The following TRAPPC8 variants were observed in gnomAD, a reference collection of about 807,000 sequenced individuals.
The protein encoded by TRAPPC8 is general sporulation gene 1 homolog.
In TRAPPC8, 54 loss-of-function variants were observed where a neutral mutation model predicts 174.3. The ratio of observed to expected loss-of-function variants is 0.31; its 90% confidence interval spans 0.25 to 0.39. TRAPPC8 has a LOEUF of 0.39. Ranked by LOEUF, TRAPPC8 falls within the 10% of genes least tolerant of loss-of-function variation. The pLI, the probability that TRAPPC8 is intolerant of heterozygous loss-of-function variation, is 1.00. For missense variants in TRAPPC8, 1,531 were observed against 1,699.1 expected (o/e 0.90, Z 1.74); for synonymous variants, 630 against 579.9 (o/e 1.09, Z -1.24).
At chr18:31,935,021 G>A (rs2038021220) in intron 1 of TRAPPC8, among the ~76,000 whole-genome samples, 2 of 151,598 alleles carry the variant, frequency 1.3e-5, no homozygotes, top group South Asian at 2.1e-4. Context: ...CATCTTTTAT[G>A]CTTTTACCCA....
At chr18:31,920,761 T>G (rs2037349759) in intron 2 of TRAPPC8, among the ~76,000 whole-genome samples, 1 of 151,808 alleles carries the variant, frequency 6.6e-6, no homozygotes, top group South Asian at 2.1e-4. Context: ...ACCAACATGG[T>G]AGAACGCTGT....
In TRAPPC8 at chr18:31,870,405, G is replaced by C; in HGVS notation, c.2355C>G (p.Phe785Leu). The change falls in exon 16 of 29, where the codon TTC becomes TTG. Residue 785 changes from phenylalanine to leucine, a missense_variant. Phe to Leu is a conservative substitution (Grantham distance 22, BLOSUM62 0). Transcript: ENST00000283351. The part of the protein sequence containing the change: ...SLLWKFHPKD[F>L]SGKDNEEVKQ... Reference sequence around the variant, plus strand: ...TAACTTCTTCATTATCCTTTCCACTGAAATCTTTAGGATGAAACTTCCAAA... The same window carrying C: ...TAACTTCTTCATTATCCTTTCCACTCAAATCTTTAGGATGAAACTTCCAAA... 1 of 1,611,662 alleles carries C rather than the reference G, an allele frequency of 6.2e-7. No homozygotes were observed. Among genetic ancestry groups the C allele is most frequent in the Non-Finnish European group, 8.5e-7 (1 of 1,178,954 alleles).
rs1006323985 is a variant in TRAPPC8 at position 31,857,837 on chromosome 18, G to C, written c.2891C>G (p.Thr964Ser). 1 of 1,614,174 alleles carries C rather than the reference G, an allele frequency of 6.2e-7. No homozygotes were observed. The highest frequency in any genetic ancestry group is 8.5e-7 in the Non-Finnish European group (1 of 1,180,036). ...GGGACTTAGTGGTGTTAGAACAGCA[G>C]TATTACCACCGAAAGTAAAGAACTC... ...RPEFFTFGGN[T>S]AVLTPLSPSA... The change falls in exon 20 of 29, where the codon ACT (threonine) becomes AGT (serine). Residue 964 changes from threonine to serine, a missense_variant. Thr to Ser is a moderately conservative substitution (Grantham distance 58). Transcript: ENST00000283351.
Position 31,849,658 on chromosome 18 carries a change from G to C in TRAPPC8, c.3643C>G (p.Pro1215Ala). 3.1e-6 allele frequency: 5 copies of C among 1,612,792 alleles called. No individual in the cohort carries two copies. Among genetic ancestry groups the C allele is most frequent in the Non-Finnish European group, 4.2e-6 (5 of 1,179,392 alleles). The change falls in exon 25 of 29, where the codon CCT (proline) becomes GCT (alanine). Residue 1215 changes from proline to alanine, a missense_variant. Coordinates refer to ENST00000283351, the MANE Select transcript of TRAPPC8 (RefSeq NM_014939.5). ...GTTGACTGTTTTTCTGTATGCACAGGCAAGTGAGCTTGTGGTTTTTTCAAT... is the reference window on the plus strand; with the variant it reads ...GTTGACTGTTTTTCTGTATGCACAGCCAAGTGAGCTTGTGGTTTTTTCAAT... The part of the protein sequence containing the change: ...SELKKPQAHL[P>A]VHTEKQSTED...
In TRAPPC8 at chr18:31,830,547, T is replaced by C; in HGVS notation, c.*208A>G. The stretch of plus-strand genomic sequence containing the variant: ...CCTGTATTATGAGCATGTAAATTAT[T>C]CTCAGGGTTTAAAGAAATACAGAAA... On this transcript the variant is annotated 3_prime_UTR_variant, in exon 29 of 29. Transcript: ENST00000283351. 1.8e-6 allele frequency: 1 copy of C among 561,224 alleles called. No homozygotes were observed. The highest frequency in any genetic ancestry group is 3.2e-6 in the Non-Finnish European group (1 of 317,134). 34.8% of individuals were successfully genotyped at this position (561,224 alleles called of 1,614,324 possible).
In TRAPPC8 at chr18:31,846,721, T is replaced by C; in HGVS notation, c.3832A>G (p.Lys1278Glu). 2.5e-6 allele frequency: 4 copies of C among 1,608,362 alleles called. No homozygotes were observed. Among genetic ancestry groups the C allele is most frequent in the Non-Finnish European group, 3.4e-6 (4 of 1,176,338 alleles). Reference sequence around the variant, plus strand: ...AAAGCAAACTATGTTATCACCTGTTTCTGAGGATATGAAAAGGCTTCTTTT... The same window carrying C: ...AAAGCAAACTATGTTATCACCTGTTCCTGAGGATATGAAAAGGCTTCTTTT... ...IGKEAFSYPQ[K>E]QEPPEMELLK... Residue 1278 changes from lysine (K) to glutamate (E), a missense_variant, in exon 26 of 29, where the codon AAA becomes GAA. By Grantham distance (56) the Lys-to-Glu change is moderately conservative. Coordinates refer to ENST00000283351, the MANE Select transcript of TRAPPC8 (RefSeq NM_014939.5).
At chr18:31,889,588 T>C (rs1485622128) in intron 12 of TRAPPC8, among the ~76,000 whole-genome samples, 1 of 151,882 alleles carries the variant, frequency 6.6e-6, no homozygotes, top group East Asian at 1.9e-4. Flanking sequence ...CATTTACTAT[T>C]GAAGAAAAGC....
chr18:31,870,199 T>C (rs575963057), intron 16 of TRAPPC8, 173 bp downstream of exon 16: 20 of 486,176 alleles, frequency 4.1e-5, no homozygotes, highest in African/African-American at 2.6e-4. Flanking sequence ...CTATTCCTTA[T>C]GTTTTTATGT....
chr18:31,831,080 C>T (rs1368847938), intron 28 of TRAPPC8, 91 bp from the exon 29 acceptor site: 32 of 1,053,138 alleles, frequency 3.0e-5, no homozygotes, highest in Non-Finnish European at 3.7e-5. Flanking sequence ...CAGCTGGGCG[C>T]GGTGGCTCAC....
chr18:31,857,980 C>T lies in TRAPPC8; in HGVS notation c.2748G>A (p.Val916=), dbSNP rs2034119784. The T allele has an allele frequency of 1.3e-6, 2 of 1,593,856 alleles. No homozygotes were observed. Among genetic ancestry groups the T allele is most frequent in the East Asian group, 2.2e-5 (1 of 44,658 alleles). The part of the protein sequence containing the change: ...IITEEMPLLE[V]FFIHFPTGLL... The stretch of plus-strand genomic sequence containing the variant: ...GCCCTGTAGGAAAATGTATAAAGAA[C>T]ACCTGCATTGGAGGGAAAAAATATT... The change falls in exon 20 of 29, where the codon GTG becomes GTA. Residue 916 remains valine (V), a splice_region_variant and synonymous_variant. Transcript: ENST00000283351.
At chr18:31,942,488 A>T (rs1568166059) in intron 1 of TRAPPC8, 120 bp downstream of exon 1, 2 of 1,308,568 alleles carry the variant, frequency 1.5e-6, no homozygotes, top group Middle Eastern at 2.8e-4. Flanking sequence ...ACAGCCCCAG[A>T]CGCCACGGTA....
intron 14 of TRAPPC8, among the ~76,000 whole-genome samples, chr18:31,871,622 CATAAGT>C (rs759550612): frequency 1.5e-4 from 23 of 152,088 alleles, no homozygotes; most frequent in Non-Finnish European, 1.9e-4. Context: ...GATTTTACCA[CATAAGT>C]ATATCTAAAA....
chr18:31,834,013 A>C (rs563637370), intron 27 of TRAPPC8, among the ~76,000 whole-genome samples: 2 of 150,426 alleles, frequency 1.3e-5, no homozygotes, highest in East Asian at 2.0e-4. Flanking sequence ...AAAAAAAAAA[A>C]CAAAAAACAG....
At chr18:31,931,039 A>G (rs1417952999) in intron 2 of TRAPPC8, among the ~76,000 whole-genome samples, 1 of 152,148 alleles carries the variant, frequency 6.6e-6, no homozygotes, top group African/African-American at 2.4e-5. Context: ...AATACAATAA[A>G]CTTAATGCTT....
chr18:31,884,986 T>C (rs1360393902), intron 12 of TRAPPC8, among the ~76,000 whole-genome samples: 1 of 151,734 alleles, frequency 6.6e-6, no homozygotes, highest in Admixed American at 6.6e-5. Context: ...CCCGAGTAGC[T>C]GGGACTATAG....
chr18:31,931,238 A>C, intron 2 of TRAPPC8, 91 bp downstream of exon 2: 1 of 1,232,820 alleles, frequency 8.1e-7, no homozygotes, highest in African/African-American at 1.5e-5. Flanking sequence ...AAACTCTTAA[A>C]TACATGTTGA....
rs531927036 is a variant in TRAPPC8, at chr18:31,895,143, C to T, written c.1596+2643G>A. 3.4e-3 allele frequency among the ~76,000 whole-genome samples: 514 copies of T among 151,750 alleles called. 2 individuals carry two copies. The highest frequency in any genetic ancestry group is 5.6e-3 in the Non-Finnish European group (380 of 68,012). ...CCTCATTAACTATCTTTTGCTATGA[C>T]GGTATTAGCAAAAATCTAGGGAACA... On this transcript the variant is annotated intron_variant, in intron 11 of 28. Transcript: ENST00000283351.
At chr18:31,854,990 A>G (rs2033923938) in intron 21 of TRAPPC8, among the ~76,000 whole-genome samples, 1 of 143,804 alleles carries the variant, frequency 7.0e-6, no homozygotes, top group Admixed American at 6.9e-5. Context: ...AAAAAAAAGA[A>G]TATTCATTTT....
chr18:31,849,550 A>G lies in TRAPPC8; in HGVS notation c.3735+16T>C. ...TCTATAAGTGAGGCTTGCTGAAATAATTTAGTAGCACATACCTTCCATAAT... is the reference window on the plus strand; with the variant it reads ...TCTATAAGTGAGGCTTGCTGAAATAGTTTAGTAGCACATACCTTCCATAAT... On this transcript the variant is annotated intron_variant, in intron 25 of 28. Coordinates refer to ENST00000283351, the MANE Select transcript of TRAPPC8 (RefSeq NM_014939.5). The G allele has an allele frequency of 1.9e-6, 3 of 1,567,106 alleles. No individual in the cohort carries two copies. The highest frequency in any genetic ancestry group is 2.4e-5 in the South Asian group (2 of 83,544).
Sources: gnomAD v4.1 joint callset for allele counts (sites outside exome capture counted in the v4.1 genomes callset) on GRCh38, gnomAD v4.1.1 for gene constraint, MANE v1.5 for transcripts, NCBI Gene and HGNC (gene_info 2026-07-23, HGNC 2026-07-21) for gene names.